ALG6: variants seen among roughly 807,000 people sequenced by gnomAD.
ALG6 encodes ALG6 alpha-1,3-glucosyltransferase.
In ALG6, 46 loss-of-function variants were observed where a neutral mutation model predicts 66.6. That is an observed-to-expected ratio of 0.69 (90% CI 0.55 to 0.88). The LOEUF is 0.88. ALG6 is among the 40% of genes least tolerant of loss of function. The pLI is 0.00. For missense variants in ALG6, 505 were observed against 586.8 expected (o/e 0.86, Z 1.44); for synonymous variants, 185 against 203.7 (o/e 0.91, Z 0.78).
At chr1:63,400,601 T>G (rs145077192) in intron 3 of ALG6, among the ~76,000 whole-genome samples, 1 of 152,044 alleles carries the variant, frequency 6.6e-6, no homozygotes, top group Non-Finnish European at 1.5e-5. Context: ...GCTTGCAGCT[T>G]ACTGTCAATG....
chr1:63,392,271 G>A (rs912744270), intron 2 of ALG6, among the ~76,000 whole-genome samples: 5 of 151,786 alleles, frequency 3.3e-5, no homozygotes, highest in African/African-American at 9.7e-5. Context: ...CCCAGGTTCA[G>A]TTGATTCTTC....
intron 8 of ALG6, among the ~76,000 whole-genome samples, chr1:63,411,612 T>C (rs1417565361): frequency 6.6e-6 from 1 of 152,216 alleles, no homozygotes; most frequent in East Asian, 1.9e-4. Context: ...GCTTACTACA[T>C]TATATACTTA....
rs1644689661 is a variant in ALG6 at position 63,437,280 on chromosome 1, A to G, written c.*260A>G. ...TTCACAGCTATTCAAGTGGGGAAAAAAGAGAAACATGTCCTTAATCCCATT... is the reference window on the plus strand; with the variant it reads ...TTCACAGCTATTCAAGTGGGGAAAAGAGAGAAACATGTCCTTAATCCCATT... On this transcript the variant is annotated 3_prime_UTR_variant, in exon 15 of 15. Transcript: ENST00000263440. The G allele has an allele frequency of 2.5e-6, 1 of 400,950 alleles. No individual in the cohort carries two copies. 24.8% of individuals were successfully genotyped at this position (400,950 alleles called of 1,614,324 possible). A position where few individuals can be genotyped will look rare whatever the true frequency, so the allele number is the denominator to read the frequency against.
At chr1:63,408,510 C>T (rs1381416578) in intron 7 of ALG6, among the ~76,000 whole-genome samples, 5 of 152,100 alleles carry the variant, frequency 3.3e-5, no homozygotes, top group African/African-American at 9.7e-5. Context: ...TCTCCTTGTA[C>T]ATATATAAAC....
At position 63,422,444 on chromosome 1, in the gene ALG6, A is replaced by AAT. The variant is rs1305196802; in HGVS notation, c.1058+3014_1058+3015dup. 1.2e-4 allele frequency among the ~76,000 whole-genome samples: 14 copies of AAT among 118,432 alleles called. No individual in the cohort carries two copies. In the East Asian group the frequency reaches 2.0e-3, roughly 17 times the overall value. The allele number at this position is 118,432 out of a possible 152,430, so 77.7% of individuals were successfully genotyped here. A position where few individuals can be genotyped will look rare whatever the true frequency, so the allele number is the denominator to read the frequency against. On this transcript the variant is annotated intron_variant, in intron 12 of 14. Coordinates refer to ENST00000263440, the MANE Select transcript of ALG6 (RefSeq NM_013339.4). ...ATATATAAATATAAATATATATATA[A>AAT]ATATATATATAAATATAAATATATA...
In ALG6 at chr1:63,436,938, A is replaced by G. The variant is rs139521934; in HGVS notation, c.1442A>G (p.Asn481Ser). 9.4e-5 allele frequency: 152 copies of G among 1,613,632 alleles called. No individual in the cohort carries two copies. The highest frequency in any genetic ancestry group is 4.2e-4 in the East Asian group (19 of 44,868). The change falls in exon 15 of 15, where the codon AAC (asparagine) becomes AGC (serine). Residue 481 changes from asparagine to serine, a missense_variant. Coordinates refer to ENST00000263440, the MANE Select transcript of ALG6 (RefSeq NM_013339.4). ...SVLVCFVSCL[N>S]FLFFLVYFNI... The stretch of plus-strand genomic sequence containing the variant: ...TTGGTGTGTTTTGTATCTTGCTTGA[A>G]CTTCCTGTTCTTCTTGGTATACTTT...
intron 5 of ALG6, among the ~76,000 whole-genome samples, chr1:63,406,102 T>C (rs1644488770): frequency 6.6e-6 from 1 of 152,090 alleles, no homozygotes; most frequent in Non-Finnish European, 1.5e-5. Context: ...TGTGTGAATT[T>C]GTTAGAGAAA....
intron 12 of ALG6, chr1:63,428,238 A>G (rs1011763896): frequency 1.3e-5 from 2 of 152,352 alleles, no homozygotes; most frequent in Non-Finnish European, 2.9e-5. Flanking sequence ...ATTATTATCA[A>G]TTTGTTTTCC....
chr1:63,401,659 G>A (rs1436872740), intron 3 of ALG6, among the ~76,000 whole-genome samples: 2 of 151,660 alleles, frequency 1.3e-5, no homozygotes, highest in East Asian at 1.9e-4. Context: ...TCTAGGTGAC[G>A]GAGCAAGATT....
intron 2 of ALG6, among the ~76,000 whole-genome samples, chr1:63,383,290 T>C (rs530661928): frequency 6.6e-6 from 1 of 151,374 alleles, no homozygotes; most frequent in South Asian, 2.1e-4. Context: ...CCTAGCTAAT[T>C]TTTTTTGTAT....
chr1:63,384,049 A>T (rs934690124), intron 2 of ALG6, among the ~76,000 whole-genome samples: 9 of 152,146 alleles, frequency 5.9e-5, no homozygotes, highest in Non-Finnish European at 1.0e-4. Flanking sequence ...TTATTTATTC[A>T]TTCGTCTGCT....
At chr1:63,396,723 A>G (rs1409184329) in intron 3 of ALG6, 126 bp downstream of exon 3, 8 of 836,362 alleles carry the variant, frequency 9.6e-6, no homozygotes, top group Non-Finnish European at 1.6e-5. Flanking sequence ...CTGGTGCCAC[A>G]TATGTATTGC....
rs758927360 is a variant in ALG6, at chr1:63,419,354, C to T, written c.988-16C>T. The T allele has an allele frequency of 9.4e-6, 15 of 1,594,616 alleles. No homozygotes were observed. The South Asian group carries it at 1.7e-4, about 18-fold the overall frequency. Reference sequence around the variant, plus strand: ...ACAAGTTGTTATATCTCATTTCCCCCCCTTTTTTCTTAAAGGTTAGCTGTG... The same window carrying T: ...ACAAGTTGTTATATCTCATTTCCCCTCCTTTTTTCTTAAAGGTTAGCTGTG... On this transcript the variant is annotated splice_polypyrimidine_tract_variant and intron_variant, in intron 11 of 14. Coordinates refer to ENST00000263440, the MANE Select transcript of ALG6 (RefSeq NM_013339.4).
rs1570036525 is a variant in ALG6 at position 63,380,047 on chromosome 1, T to A, written c.82+8988T>A. 2.6e-5 allele frequency among the ~76,000 whole-genome samples: 4 copies of A among 152,078 alleles called. 1 individual carries two copies. The highest frequency in any genetic ancestry group is 2.6e-4 in the Admixed American group (4 of 15,256). On this transcript the variant is annotated intron_variant, in intron 2 of 14. Coordinates refer to ENST00000263440, the MANE Select transcript of ALG6 (RefSeq NM_013339.4). ...ACTTTTGTGCAAGAAGAAAACAGAT[T>A]TAACCACTAATCATCTCCAGAGAGA...
At position 63,400,320 on chromosome 1, in the gene ALG6, C is replaced by T. The variant is rs12409221; in HGVS notation, c.168-1934C>T. On this transcript the variant is annotated intron_variant, in intron 3 of 14. Transcript: ENST00000263440. ...ACGTATATATATGTATATATATATA[C>T]GTATATATATATATACGTATATATA... 2.9e-3 allele frequency among the ~76,000 whole-genome samples: 13 copies of T among 4,476 alleles called. 1 individual carries two copies. Among genetic ancestry groups the T allele is most frequent in the Non-Finnish European group, 3.6e-3 (11 of 3,078 alleles). 2.9% of individuals were successfully genotyped at this position (4,476 alleles called of 152,430 possible).
intron 2 of ALG6, among the ~76,000 whole-genome samples, chr1:63,391,496 A>G (rs1413827773): frequency 6.6e-6 from 1 of 152,172 alleles, no homozygotes; most frequent in Non-Finnish European, 1.5e-5. Context: ...TTCTCTGGGT[A>G]TAGGGAGGGC....
At chr1:63,426,836 G>A (rs1458646017) in intron 12 of ALG6, among the ~76,000 whole-genome samples, 5 of 152,212 alleles carry the variant, frequency 3.3e-5, no homozygotes, top group East Asian at 1.9e-4. Context: ...GAGCCCCTGC[G>A]CCGGCTGTAA....
At chr1:63,389,093 A>G (rs1249438164) in intron 2 of ALG6, among the ~76,000 whole-genome samples, 1 of 152,176 alleles carries the variant, frequency 6.6e-6, no homozygotes, top group African/African-American at 2.4e-5. Flanking sequence ...ACCTTCTTGT[A>G]CTTGAATATT....
At chr1:63,406,045 C>A (rs1644488528) in intron 5 of ALG6, among the ~76,000 whole-genome samples, 1 of 151,810 alleles carries the variant, frequency 6.6e-6, no homozygotes, top group South Asian at 2.1e-4. Flanking sequence ...ATTTTTAAGT[C>A]CAAGTTAGAG....
Sources: gnomAD v4.1 joint callset for allele counts (sites outside exome capture counted in the v4.1 genomes callset) on GRCh38, gnomAD v4.1.1 for gene constraint, MANE v1.5 for transcripts, NCBI Gene and HGNC (gene_info 2026-07-23, HGNC 2026-07-21) for gene names.